SBF2: variants seen among roughly 807,000 people sequenced by gnomAD.
SBF2 encodes SET binding factor 2, also known as myotubularin-related protein 13.
Under a neutral mutation model 225.2 loss-of-function variants are expected in SBF2, and 112 were observed. That is an observed-to-expected ratio of 0.50 (90% CI 0.43 to 0.58). The LOEUF is 0.58. SBF2 is among the 20% of genes least tolerant of loss of function. SBF2 has a pLI of 0.00. For missense variants in SBF2, 1,996 were observed against 2,206.2 expected (o/e 0.90, Z 1.91); for synonymous variants, 763 against 773.3 (o/e 0.99, Z 0.22).
At chr11:9,871,300 G>GA (rs1379913112) in intron 17 of SBF2, among the ~76,000 whole-genome samples, 1 of 150,966 alleles carries the variant, frequency 6.6e-6, no homozygotes, top group Non-Finnish European at 1.5e-5. Flanking sequence ...AGACTTACAA[G>GA]AAAAAAAGAC....
chr11:10,104,816 C>A (rs1952479846), intron 2 of SBF2, among the ~76,000 whole-genome samples: 1 of 152,126 alleles, frequency 6.6e-6, no homozygotes, highest in Non-Finnish European at 1.5e-5. Flanking sequence ...ACCTTAGGAC[C>A]ATTTCCAGAG....
At chr11:10,177,311 T>A (rs1391931894) in intron 2 of SBF2, among the ~76,000 whole-genome samples, 1 of 147,552 alleles carries the variant, frequency 6.8e-6, no homozygotes, top group Non-Finnish European at 1.5e-5. Context: ...TCACCACTCC[T>A]ATTCAACATA....
At chr11:9,905,187 C>T (rs377607896) in intron 16 of SBF2, among the ~76,000 whole-genome samples, 32 of 152,110 alleles carry the variant, frequency 2.1e-4, no homozygotes, top group African/African-American at 6.3e-4. Context: ...ATGTTATTAT[C>T]ACTGAGGCTA....
intron 1 of SBF2, among the ~76,000 whole-genome samples, chr11:10,300,141 A>G (rs1964581102): frequency 6.6e-6 from 1 of 152,140 alleles, no homozygotes; most frequent in African/African-American, 2.4e-5. Context: ...CTTTTTCTTC[A>G]GAATACTTAA....
intron 17 of SBF2, among the ~76,000 whole-genome samples, chr11:9,866,932 T>C (rs1858274181): frequency 6.6e-6 from 1 of 152,180 alleles, no homozygotes; most frequent in African/African-American, 2.4e-5. Flanking sequence ...CAGACATTTC[T>C]TAAAAGAAGA....
intron 16 of SBF2, among the ~76,000 whole-genome samples, chr11:9,908,829 C>T (rs1044054926): frequency 1.3e-5 from 2 of 150,130 alleles, no homozygotes; most frequent in Admixed American, 6.7e-5. Flanking sequence ...GGACTACAGG[C>T]ATGTGCCACT....
At chr11:10,231,418 T>G (rs1958838753) in intron 1 of SBF2, among the ~76,000 whole-genome samples, 1 of 152,138 alleles carries the variant, frequency 6.6e-6, no homozygotes, top group African/African-American at 2.4e-5. Context: ...TCTGCTCTGT[T>G]TTTTCCCCAT....
At position 10,126,023 on chromosome 11, in the gene SBF2, G is replaced by T. The variant is rs568908996; in HGVS notation, c.141+67879C>A. Among the ~76,000 whole-genome samples the T allele has an allele frequency of 2.7e-4, 41 of 152,220 alleles. 1 individual carries two copies. In the South Asian group the frequency reaches 8.5e-3, roughly 32 times the overall value. On this transcript the variant is annotated intron_variant, in intron 2 of 39. Coordinates refer to ENST00000256190, the MANE Select transcript of SBF2 (RefSeq NM_030962.4). ...CATTCTATCCACATGACTTATTACT[G>T]GTGATGTGAATCTTGGTTACTTAGT...
At chr11:9,992,661 G>T in intron 11 of SBF2, 118 bp from the exon 12 acceptor site, 1 of 915,272 alleles carries the variant, frequency 1.1e-6, no homozygotes, top group Non-Finnish European at 1.6e-6. Flanking sequence ...ATAAATATAT[G>T]CTGTCATAAA....
intron 16 of SBF2, among the ~76,000 whole-genome samples, chr11:9,930,347 TA>T: frequency 6.6e-6 from 1 of 152,024 alleles, no homozygotes; most frequent in Non-Finnish European, 1.5e-5. Context: ...TGATGCTGAG[TA>T]AAAGAAGCCA....
chr11:10,074,378 G>A (rs1951014957), intron 2 of SBF2, among the ~76,000 whole-genome samples: 1 of 152,058 alleles, frequency 6.6e-6, no homozygotes, highest in Non-Finnish European at 1.5e-5. Flanking sequence ...TTCTCAGAAA[G>A]GTCCATTTAT....
At chr11:9,869,000 A>G (rs1011110266) in intron 17 of SBF2, among the ~76,000 whole-genome samples, 3 of 152,242 alleles carry the variant, frequency 2.0e-5, no homozygotes, top group African/African-American at 7.2e-5. Context: ...TAATTCTAGC[A>G]TTACTTCCTC....
At chr11:10,085,364 G>A (rs1032843840) in intron 2 of SBF2, among the ~76,000 whole-genome samples, 8 of 151,852 alleles carry the variant, frequency 5.3e-5, no homozygotes, top group African/African-American at 1.2e-4. Context: ...TTCTGACCCC[G>A]TATTGAGTTT....
rs1425595237 is a variant in SBF2, at chr11:9,877,954, T to A, written c.1929+17989A>T. ...GTCAAATGGTATTTCTAGTTCTAGATCCCTAAGGAATCACCACACTGTCTT... is the reference window on the plus strand; with the variant it reads ...GTCAAATGGTATTTCTAGTTCTAGAACCCTAAGGAATCACCACACTGTCTT... On this transcript the variant is annotated intron_variant, in intron 17 of 39. Transcript: ENST00000256190. Among the ~76,000 whole-genome samples the A allele has an allele frequency of 5.9e-5, 9 of 152,310 alleles. No homozygotes were observed. In the East Asian group the frequency reaches 1.7e-3, roughly 29 times the overall value.
chr11:10,061,632 C>T (rs1823025596), intron 2 of SBF2, among the ~76,000 whole-genome samples: 1 of 151,968 alleles, frequency 6.6e-6, no homozygotes, highest in African/African-American at 2.4e-5. Context: ...ATACAGTTAA[C>T]CAGGAAGGTG....
intron 1 of SBF2, among the ~76,000 whole-genome samples, chr11:10,286,893 C>G (rs545888767): frequency 4.5e-4 from 68 of 152,340 alleles, no homozygotes; most frequent in African/African-American, 1.6e-3. Flanking sequence ...AGCAATTCTT[C>G]TCCTACGTAT....
At chr11:10,079,746 G>A (rs1951283121) in intron 2 of SBF2, among the ~76,000 whole-genome samples, 2 of 152,038 alleles carry the variant, frequency 1.3e-5, no homozygotes, top group African/African-American at 4.8e-5. Context: ...ATGAACTCCG[G>A]AAATTACATT....
intron 35 of SBF2, among the ~76,000 whole-genome samples, chr11:9,788,621 G>A (rs2133856906): frequency 6.9e-6 from 1 of 143,962 alleles, no homozygotes; most frequent in Middle Eastern, 3.8e-3. Flanking sequence ...CTGAGACGGA[G>A]TCTTGCTCTG....
chr11:10,134,723 G>A (rs1166352508), intron 2 of SBF2, among the ~76,000 whole-genome samples: 1 of 152,226 alleles, frequency 6.6e-6, no homozygotes, highest in Admixed American at 6.5e-5. Flanking sequence ...TCACACGGAT[G>A]CAAGAGGTAA....
Sources: allele counts gnomAD v4.1 joint callset (sites outside exome capture counted in the v4.1 genomes callset), GRCh38; gene constraint gnomAD v4.1.1; transcripts MANE v1.5; gene names NCBI Gene and HGNC (gene_info 2026-07-23, HGNC 2026-07-21).